The following CREBBP variants were observed in gnomAD, a reference collection of about 807,000 sequenced individuals.
The protein encoded by CREBBP is CREB-binding protein.
Under a neutral mutation model 265.0 loss-of-function variants are expected in CREBBP, and 19 were observed. The ratio of observed to expected loss-of-function variants is 0.07; its 90% confidence interval spans 0.05 to 0.11. The LOEUF is 0.11. Ranked by LOEUF, CREBBP falls within the 10% of genes least tolerant of loss-of-function variation. CREBBP has a pLI of 1.00. For synonymous variants in CREBBP, 1,457 were observed against 1,223.7 expected, an observed-to-expected ratio of 1.19 and a Z score of -3.98; for missense variants, 2,525 against 3,219.0, an observed-to-expected ratio of 0.78 and a Z score of 5.22.
intron 2 of CREBBP, among the ~76,000 whole-genome samples, chr16:3,827,670 C>T (rs1171808806): frequency 5.3e-5 from 8 of 152,218 alleles, no homozygotes; most frequent in Admixed American, 2.6e-4. Context: ...GGATTACAGG[C>T]ATAAGCCACC....
chr16:3,872,666 G>A (rs538073084), intron 1 of CREBBP, among the ~76,000 whole-genome samples: 9 of 152,234 alleles, frequency 5.9e-5, no homozygotes, highest in African/African-American at 1.7e-4. Context: ...AAAAGCAGAC[G>A]GCACGGCCAG....
intron 21 of CREBBP, among the ~76,000 whole-genome samples, chr16:3,748,743 T>A (rs576592322): frequency 1.2e-4 from 18 of 152,174 alleles, no homozygotes; most frequent in Admixed American, 1.2e-3. Context: ...GAACTTTACA[T>A]TGGGGACCTG....
intron 2 of CREBBP, among the ~76,000 whole-genome samples, chr16:3,837,744 C>A (rs2054484768): frequency 6.6e-6 from 1 of 151,680 alleles, no homozygotes; most frequent in Admixed American, 6.6e-5. Context: ...AGTGTTAATA[C>A]AAAAGAATAA....
At chr16:3,831,112 A>T (rs2054335233) in intron 2 of CREBBP, among the ~76,000 whole-genome samples, 1 of 152,210 alleles carries the variant, frequency 6.6e-6, no homozygotes, top group Non-Finnish European at 1.5e-5. Context: ...ATATTTGTCA[A>T]GAAAAACCAT....
In CREBBP at chr16:3,777,604, G is replaced by A. The variant is rs2053174690; in HGVS notation, c.2158+9C>T. 1 of 1,614,020 alleles carries A rather than the reference G, an allele frequency of 6.2e-7. No homozygotes were observed. ...ACTAAAATATGATTCACCACAAACAGTTCAATACCTTGAGAAACTTGCATG... is the reference window on the plus strand; with the variant it reads ...ACTAAAATATGATTCACCACAAACAATTCAATACCTTGAGAAACTTGCATG... On this transcript the variant is annotated intron_variant, in intron 11 of 30. Transcript: ENST00000262367.
chr16:3,856,292 TTTTTA>T (rs1400311812), intron 1 of CREBBP, among the ~76,000 whole-genome samples: 18 of 152,152 alleles, frequency 1.2e-4, no homozygotes, highest in African/African-American at 2.9e-4. Flanking sequence ...AACAGCTCAT[TTTTTA>T]TTTTATTTTT....
At chr16:3,786,412 G>T (rs966005628) in intron 5 of CREBBP, among the ~76,000 whole-genome samples, 7 of 152,128 alleles carry the variant, frequency 4.6e-5, no homozygotes, top group Non-Finnish European at 7.4e-5. Context: ...TTTCTGTACA[G>T]TCTATGTTGC....
intron 2 of CREBBP, among the ~76,000 whole-genome samples, chr16:3,811,872 T>C (rs896406657): frequency 2.0e-5 from 3 of 152,166 alleles, no homozygotes; most frequent in Non-Finnish European, 2.9e-5. Context: ...ACATAAAACA[T>C]GAAATTTGTG....
At chr16:3,804,510 T>C (rs1367908451) in intron 3 of CREBBP, among the ~76,000 whole-genome samples, 1 of 152,218 alleles carries the variant, frequency 6.6e-6, no homozygotes, top group Non-Finnish European at 1.5e-5. Flanking sequence ...GAGACTGATG[T>C]AGCTCACACC....
rs149055008 is a variant in CREBBP, at chr16:3,740,547, G to A, written c.3985C>T (p.Leu1329=). 576 of 1,614,044 alleles carry A rather than the reference G, an allele frequency of 3.6e-4. No individual in the cohort carries two copies. Among genetic ancestry groups the A allele is most frequent in the Non-Finnish European group, 4.6e-4 (547 of 1,180,032 alleles). Residue 1329 remains leucine, a splice_region_variant and synonymous_variant, in exon 24 of 31, where the codon CTG becomes TTG. Transcript: ENST00000262367. The stretch of plus-strand genomic sequence containing the variant: ...TGGTTTCCCAGTCTTGTGGTCTGCA[G>A]CCCTAGGAAGTCCAGAAGGAGCAGG... ...RKENKFSAKR[L]QTTRLGNHLE...
intron 3 of CREBBP, among the ~76,000 whole-genome samples, chr16:3,802,851 G>A (rs546447312): frequency 9.2e-5 from 14 of 152,154 alleles, no homozygotes; most frequent in Non-Finnish European, 1.8e-4. Context: ...CACCCACCTG[G>A]AAACCTGACT....
chr16:3,739,765 G>A (rs2151337917), intron 24 of CREBBP, 41 bp from the exon 25 acceptor site: 3 of 1,613,998 alleles, frequency 1.9e-6, no homozygotes, highest in Non-Finnish European at 2.5e-6. Flanking sequence ...AAAGGCTGTT[G>A]CTGACAAGGT....
Position 3,773,852 on chromosome 16 carries a change from G to A in CREBBP, c.2362C>T (p.Pro788Ser), listed in dbSNP as rs2141216015. ...TGTGGCAGAAACTGGCTCTGAGCGG[G>A]CGCCTGGGCCATCATGTTGTTGGTG... ...AHTNNMMAQAPAQSQFLPQNQ... is the reference protein window; with the variant it reads ...AHTNNMMAQASAQSQFLPQNQ... The change falls in exon 13 of 31, where the codon CCC becomes TCC. Residue 788 changes from proline (P) to serine (S), a missense_variant. Around this residue, in one of 19 missense-constraint regions of CREBBP, gnomAD observed 548 missense variants for 533.0 expected, o/e 1.03. Coordinates refer to ENST00000262367, the MANE Select transcript of CREBBP (RefSeq NM_004380.3). 6 of 1,612,384 alleles carry A rather than the reference G, an allele frequency of 3.7e-6. No individual in the cohort carries two copies. Among genetic ancestry groups the A allele is most frequent in the African/African-American group, 1.3e-5 (1 of 74,904 alleles).
intron 2 of CREBBP, among the ~76,000 whole-genome samples, chr16:3,841,587 G>A (rs901439162): frequency 6.6e-6 from 1 of 152,126 alleles, no homozygotes; most frequent in Non-Finnish European, 1.5e-5. Context: ...GCTGCAGGGA[G>A]CCATGATAAC....
At chr16:3,814,155 A>G (rs887859373) in intron 2 of CREBBP, among the ~76,000 whole-genome samples, 11 of 141,216 alleles carry the variant, frequency 7.8e-5, no homozygotes, top group African/African-American at 2.7e-4. Context: ...TAACTGGTCA[A>G]TGTTGTTTAG....
chr16:3,784,333 AT>A (rs2053339627), intron 5 of CREBBP: 1 of 152,214 alleles, frequency 6.6e-6, no homozygotes, highest in African/African-American at 2.4e-5. Context: ...AGATCAACTC[AT>A]TAACACTCAT....
rs942848385 is a variant in CREBBP at position 3,767,737 on chromosome 16, G to A, written c.3233C>T (p.Ser1078Leu). ...NGTASQSTSP[S>L]QPRKKIFKPE... Reference sequence around the variant, plus strand: ...TGGCCTACTTTTTTTGCGCGGCTGCGAAGGAGATGTTGACTGAGAGGCTGT... The same window carrying A: ...TGGCCTACTTTTTTTGCGCGGCTGCAAAGGAGATGTTGACTGAGAGGCTGT... Residue 1078 changes from serine (S) to leucine (L), a missense_variant, in exon 16 of 31, where the codon TCG becomes TTG. Around this residue, in one of 19 missense-constraint regions of CREBBP, gnomAD observed 548 missense variants for 533.0 expected, o/e 1.03. Transcript: ENST00000262367. The A allele has an allele frequency of 1.5e-5, 24 of 1,614,150 alleles. No individual in the cohort carries two copies. Among genetic ancestry groups the A allele is most frequent in the Middle Eastern group, 1.6e-4 (1 of 6,084 alleles).
Position 3,751,508 on chromosome 16 carries a change from C to G in CREBBP, c.3779+218G>C, listed in dbSNP as rs569037331. On this transcript the variant is annotated intron_variant, in intron 20 of 30. Transcript: ENST00000262367. ...TTGAGAGGCTGAGAAAGGAGGATCG[C>G]TTGAACCCAAGTGGTCAAGGCTGCA... 3.3e-5 allele frequency among the ~76,000 whole-genome samples: 5 copies of G among 152,320 alleles called. No homozygotes were observed. The South Asian group carries it at 1.0e-3, about 32-fold the overall frequency.
At chr16:3,838,152 C>A (rs144024868) in intron 2 of CREBBP, among the ~76,000 whole-genome samples, 2 of 152,214 alleles carry the variant, frequency 1.3e-5, no homozygotes, top group East Asian at 1.9e-4. Flanking sequence ...TATTTTAAAT[C>A]TTTTATACAG....
Sources: allele counts gnomAD v4.1 joint callset (sites outside exome capture counted in the v4.1 genomes callset), GRCh38; gene constraint gnomAD v4.1.1; regional missense constraint gnomAD v4.1.1; transcripts MANE v1.5; gene names NCBI Gene and HGNC (gene_info 2026-07-23, HGNC 2026-07-21).